Variants in SEC61A2 observed in about 807,000 individuals in gnomAD.
SEC61A2 encodes SEC61 translocon subunit alpha 2, also known as protein transport protein Sec61 subunit alpha isoform 2.
A neutral mutation model predicts 59.9 loss-of-function variants in SEC61A2; 28 were observed. The ratio of observed to expected loss-of-function variants is 0.47; its 90% CI spans 0.35 to 0.64. The LOEUF (loss-of-function observed/expected upper bound fraction) is 0.64. Ranked by LOEUF, SEC61A2 falls within the 30% of genes least tolerant of loss-of-function variation. The probability of loss-of-function intolerance (pLI) is 0.01; values close to 1 mark genes in which losing one functional copy is unlikely to be tolerated. For synonymous variants in SEC61A2, 202 were observed against 214.4 expected, an observed-to-expected ratio of 0.94 and a Z score of 0.50; for missense variants, 340 against 585.9, an observed-to-expected ratio of 0.58 and a Z score of 4.33.
At chr10:12,169,344 G>A (rs764901987), downstream of SEC61A2, 3 of 1,524,958 alleles carry the variant, frequency 2.0e-6, no homozygotes, top group Non-Finnish European at 2.7e-6. This position sits in a 1 kb window ranked among gnomAD's most constrained non-coding sequence, Gnocchi z 4.8. Flanking sequence ...ACCCCGCACG[G>A]CATTTCACAC....
At chr10:12,166,310 T>C, downstream of SEC61A2, 1 of 154,690 alleles carries the variant, frequency 6.5e-6, no homozygotes, top group Admixed American at 6.3e-5. Context: ...GAGTTAGAGC[T>C]TTGGAGAATC....
chr10:12,167,683 G>A (rs1185029528), downstream of SEC61A2: 30 of 1,610,504 alleles, frequency 1.9e-5, no homozygotes, highest in Non-Finnish European at 2.3e-5. Flanking sequence ...TACAAAAATG[G>A]CCAGTGTCAT....
intron 3 of SEC61A2, among the ~76,000 whole-genome samples, chr10:12,138,877 C>G (rs1217583862): frequency 6.6e-6 from 1 of 152,216 alleles, no homozygotes; most frequent in African/African-American, 2.4e-5. Flanking sequence ...CTTAGAAGTA[C>G]AGCTGTTGGG....
At position 12,152,382 on chromosome 10, in the gene SEC61A2, G is replaced by C. The variant is rs1033406471; in HGVS notation, c.462+2421G>C. Among the ~76,000 whole-genome samples, 5 of 151,810 alleles carry C rather than the reference G, an allele frequency of 3.3e-5. No homozygotes were observed. Among genetic ancestry groups the C allele is most frequent in the Non-Finnish European group, 5.9e-5 (4 of 67,940 alleles). On this transcript the variant is annotated intron_variant, in intron 6 of 11. Coordinates refer to ENST00000298428, the MANE Select transcript of SEC61A2 (RefSeq NM_018144.4). The surrounding 1 kb of genome is among the most constrained non-coding windows in gnomAD (Gnocchi z 5.5). ...GGCGTGAGCCACCACGCCCCGCCCA[G>C]GGCAGGAATTTTTAATGAAAATCAG...
At position 12,150,931 on chromosome 10, in the gene SEC61A2, C is replaced by T. The variant is rs542537118; in HGVS notation, c.462+970C>T. The stretch of plus-strand genomic sequence containing the variant: ...CTGGGCTTACAGGTGCCTGCCACCA[C>T]GCCCAGCTAATTTTTTGTATTTTTA... On this transcript the variant is annotated intron_variant, in intron 6 of 11. Transcript: ENST00000298428. Among the ~76,000 whole-genome samples, 3 of 152,140 alleles carry T rather than the reference C, an allele frequency of 2.0e-5. No homozygotes were observed. The South Asian group carries it at 6.2e-4, about 32-fold the overall frequency.
downstream of SEC61A2, chr10:12,166,473 T>C (rs1834698001): frequency 8.1e-6 from 2 of 247,030 alleles, no homozygotes; most frequent in Admixed American, 9.9e-5. Flanking sequence ...TGTTTTATCT[T>C]TAGGAAGTCC....
intron 3 of SEC61A2, among the ~76,000 whole-genome samples, chr10:12,138,048 A>G (rs544297578): frequency 6.6e-6 from 1 of 152,158 alleles, no homozygotes; most frequent in South Asian, 2.1e-4. Context: ...TACATACCAG[A>G]TAATTTAGGT....
In SEC61A2 at chr10:12,129,764, C is replaced by G; in HGVS notation, c.-24C>G. The G allele has an allele frequency of 6.7e-7, 1 of 1,487,658 alleles. No individual in the cohort carries two copies. Among genetic ancestry groups the G allele is most frequent in the South Asian group, 1.3e-5 (1 of 78,830 alleles). 92.2% of individuals were successfully genotyped at this position (1,487,658 alleles called of 1,614,324 possible). ...AGGCAGCGCCGAGGCCGCGGTTTCC[C>G]CCTGGGCCTCCCCAGCAGCAGCCAT... On this transcript the variant is annotated 5_prime_UTR_variant, in exon 1 of 12. Transcript: ENST00000298428. The surrounding 1 kb of genome is among the most constrained non-coding windows in gnomAD (Gnocchi z 5.6).
Position 12,162,571 on chromosome 10 carries a change from A to C in SEC61A2, c.1244+282A>C, listed in dbSNP as rs777334202. Reference sequence around the variant, plus strand: ...ACATACAATCACCAGAGAGCTTTTAAAAAGGATTTCCCAGGAACTGTGGCT... The same window carrying C: ...ACATACAATCACCAGAGAGCTTTTACAAAGGATTTCCCAGGAACTGTGGCT... On this transcript the variant is annotated intron_variant, in intron 11 of 11. Transcript: ENST00000298428. This position sits in a 1 kb window ranked among gnomAD's most constrained non-coding sequence, Gnocchi z 6.1. The C allele has an allele frequency of 1.8e-4, 95 of 528,300 alleles. No homozygotes were observed. Among genetic ancestry groups the C allele is most frequent in the Non-Finnish European group, 3.0e-4 (84 of 283,364 alleles). 32.7% of individuals were successfully genotyped at this position (528,300 alleles called of 1,614,324 possible).
In SEC61A2 at chr10:12,149,131, C is replaced by T. The variant is rs1834219050; in HGVS notation, c.221-464C>T. Reference sequence around the variant, plus strand: ...TTGAGATGGAGTCTCACTCTGTTGCCCGGGCTGGAGTGCAGTGGCGCAATC... The same window carrying T: ...TTGAGATGGAGTCTCACTCTGTTGCTCGGGCTGGAGTGCAGTGGCGCAATC... On this transcript the variant is annotated intron_variant, in intron 4 of 11. Transcript: ENST00000298428. This position sits in a 1 kb window ranked among gnomAD's most constrained non-coding sequence, Gnocchi z 5.2. Among the ~76,000 whole-genome samples, 2 of 152,006 alleles carry T rather than the reference C, an allele frequency of 1.3e-5. No individual in the cohort carries two copies. The highest frequency in any genetic ancestry group is 3.2e-3 in the Middle Eastern group (1 of 316).
rs755213729 is a variant in SEC61A2 at position 12,162,132 on chromosome 10, C to T, written c.1168-81C>T. 1.8e-5 allele frequency: 19 copies of T among 1,053,080 alleles called. No homozygotes were observed. The highest frequency in any genetic ancestry group is 4.8e-5 in the East Asian group (2 of 41,908). The allele number at this position is 1,053,080 out of a possible 1,614,324, so 65.2% of individuals were successfully genotyped here. A position where few individuals can be genotyped will look rare whatever the true frequency, so the allele number is the denominator to read the frequency against. The stretch of plus-strand genomic sequence containing the variant: ...TTGTATGTTACGTGTTAGTGTGTGG[C>T]GAGCACTTCGCATAGAACGTGGTAG... On this transcript the variant is annotated intron_variant, in intron 10 of 11. Transcript: ENST00000298428. The surrounding 1 kb of genome is among the most constrained non-coding windows in gnomAD (Gnocchi z 6.1).
chr10:12,159,273 G>A (rs988995162), intron 9 of SEC61A2, among the ~76,000 whole-genome samples: 3 of 152,092 alleles, frequency 2.0e-5, no homozygotes, highest in African/African-American at 7.2e-5. Flanking sequence ...CACCACACTC[G>A]GCCCATAATT....
chr10:12,130,141 C>A (rs939036005), intron 1 of SEC61A2, among the ~76,000 whole-genome samples: 1 of 152,066 alleles, frequency 6.6e-6, no homozygotes, highest in African/African-American at 2.4e-5. Flanking sequence ...GTTTTTATTC[C>A]CTCGTCATCT....
Position 12,162,004 on chromosome 10 carries a change from G to A in SEC61A2, c.1168-209G>A, listed in dbSNP as rs1014142870. Among the ~76,000 whole-genome samples the A allele has an allele frequency of 1.3e-5, 2 of 152,162 alleles. No individual in the cohort carries two copies. Among genetic ancestry groups the A allele is most frequent in the African/African-American group, 2.4e-5 (1 of 41,434 alleles). ...CTTGTTTGGTAATTGAAGAAGGGTT[G>A]AGAAGCACCGGTTTCATATGGGTAA... On this transcript the variant is annotated intron_variant, in intron 10 of 11. Coordinates refer to ENST00000298428, the MANE Select transcript of SEC61A2 (RefSeq NM_018144.4). The surrounding 1 kb of genome is among the most constrained non-coding windows in gnomAD (Gnocchi z 6.1).
intron 6 of SEC61A2, among the ~76,000 whole-genome samples, chr10:12,151,946 T>C (rs966276007): frequency 1.3e-5 from 2 of 152,130 alleles, no homozygotes; most frequent in East Asian, 3.8e-4. Flanking sequence ...AGAAATGTTA[T>C]GTAGGAAGCA....
In SEC61A2 at chr10:12,143,236, A is replaced by G; in HGVS notation, c.220+41A>G. 1 of 1,313,608 alleles carries G rather than the reference A, an allele frequency of 7.6e-7. No homozygotes were observed. The highest frequency in any genetic ancestry group is 1.1e-6 in the Non-Finnish European group (1 of 906,200). The allele number at this position is 1,313,608 out of a possible 1,614,324, so 81.4% of individuals were successfully genotyped here. On this transcript the variant is annotated intron_variant, in intron 4 of 11. Coordinates refer to ENST00000298428, the MANE Select transcript of SEC61A2 (RefSeq NM_018144.4). This position sits in a 1 kb window ranked among gnomAD's most constrained non-coding sequence, Gnocchi z 4.8. ...CTGTCTCCACACTCCTACTCACAGCAAACAGATGGAAACATGTGGATTAGC... is the reference window on the plus strand; with the variant it reads ...CTGTCTCCACACTCCTACTCACAGCGAACAGATGGAAACATGTGGATTAGC...
chr10:12,152,974 G>A lies in SEC61A2; in HGVS notation c.463-2804G>A, dbSNP rs1588641110. Among the ~76,000 whole-genome samples the A allele has an allele frequency of 6.6e-6, 1 of 151,678 alleles. No homozygotes were observed. Among genetic ancestry groups the A allele is most frequent in the Non-Finnish European group, 1.5e-5 (1 of 67,930 alleles). On this transcript the variant is annotated intron_variant, in intron 6 of 11. Coordinates refer to ENST00000298428, the MANE Select transcript of SEC61A2 (RefSeq NM_018144.4). The surrounding 1 kb of genome is among the most constrained non-coding windows in gnomAD (Gnocchi z 5.5). The stretch of plus-strand genomic sequence containing the variant: ...CTAAGGAGGCTGAGGCAGGAGAATC[G>A]CTTGAACTCTGGAGTCGGAGTTTGC...
Position 12,133,279 on chromosome 10 carries a change from C to A in SEC61A2, c.46C>A (p.Leu16Ile). The change falls in exon 2 of 12, where the codon CTA becomes ATA. Residue 16 changes from leucine to isoleucine, a missense_variant. By Grantham distance (5) the Leu-to-Ile change is conservative (BLOSUM62 2). Transcript: ENST00000298428. ...AGTTATCAAACCATTCTGTGCAGTT[C>A]TACCAGAAATTCAGAAACCGGAAAG... ...LEVIKPFCAV[L>I]PEIQKPERKI... 2 of 1,561,682 alleles carry A rather than the reference C, an allele frequency of 1.3e-6. No individual in the cohort carries two copies. Among genetic ancestry groups the A allele is most frequent in the South Asian group, 2.3e-5 (2 of 88,620 alleles).
downstream of SEC61A2, chr10:12,167,750 C>T (rs754727331): frequency 6.2e-6 from 10 of 1,614,158 alleles, no homozygotes; most frequent in South Asian, 2.2e-5. Context: ...TTGCATGTTT[C>T]AGTGCTAGAG....
Sources: gnomAD v4.1 joint callset for allele counts (sites outside exome capture counted in the v4.1 genomes callset) on GRCh38, gnomAD v4.1.1 for gene constraint, Gnocchi (gnomAD v3.1) non-coding constraint, MANE v1.5 for transcripts, NCBI Gene and HGNC (gene_info 2026-07-23, HGNC 2026-07-21) for gene names.